The following CYP17A1 variants were observed in gnomAD, a reference collection of about 807,000 sequenced individuals.
CYP17A1 encodes steroid 17-alpha-hydroxylase/17,20 lyase.
CYP17A1 carries 27 observed loss-of-function variants against 38.5 expected under a neutral mutation model. The ratio of observed to expected loss-of-function variants is 0.70; its 90% CI spans 0.52 to 0.97. CYP17A1 has a LOEUF of 0.97. CYP17A1 is among the 50% of genes least tolerant of loss of function. CYP17A1 has a pLI of 0.00. For missense variants in CYP17A1, 549 were observed against 645.9 expected (o/e 0.85, Z 1.63); for synonymous variants, 263 against 253.3 (o/e 1.04, Z -0.36).
chr10:102,831,774 C>T, intron 6 of CYP17A1, 163 bp from the exon 7 acceptor site: 2 of 1,310,764 alleles, frequency 1.5e-6, no homozygotes, highest in Non-Finnish European at 2.1e-6. Context: ...AACCTAAATC[C>T]AGCCCTTCTC....
At chr10:102,831,791 T>G in intron 6 of CYP17A1, 180 bp from the exon 7 acceptor site, 2 of 1,136,370 alleles carry the variant, frequency 1.8e-6, no homozygotes, top group Non-Finnish European at 1.3e-6. Flanking sequence ...TCTCCATCCC[T>G]TCCCTCCTAA....
chr10:102,831,213 A>G lies in CYP17A1; in HGVS notation c.1244-228T>C, dbSNP rs11191413. 0.029 allele frequency among the ~76,000 whole-genome samples: 4,433 copies of G among 152,352 alleles called. 193 individuals carry two copies. Among genetic ancestry groups the G allele is most frequent in the African/African-American group, 0.094 (3,914 of 41,584 alleles). On this transcript the variant is annotated intron_variant, in intron 7 of 7. Coordinates refer to ENST00000369887, the MANE Select transcript of CYP17A1 (RefSeq NM_000102.4). The stretch of plus-strand genomic sequence containing the variant: ...TCAGGAAGGATGGAAAAGAGATGGA[A>G]TTAACCTATGAAAATAGCACCATCC...
intron 1 of CYP17A1, among the ~76,000 whole-genome samples, chr10:102,835,789 T>C (rs573627769): frequency 5.9e-4 from 90 of 152,266 alleles, no homozygotes; most frequent in Admixed American, 3.1e-3. Context: ...GGTGAGCTTG[T>C]AGAGGCTGAG....
Position 102,830,737 on chromosome 10 carries a change from C to T in CYP17A1, c.1492G>A (p.Ala498Thr), listed in dbSNP as rs771259164. The change falls in exon 8 of 8, where the codon GCC becomes ACC. Residue 498 changes from alanine to threonine, a missense_variant. Physicochemically the swap from Ala to Thr is moderately conservative, Grantham distance 58. Coordinates refer to ENST00000369887, the MANE Select transcript of CYP17A1 (RefSeq NM_000102.4). The surrounding 1 kb of genome is among the most constrained non-coding windows in gnomAD (Gnocchi z 4.1). ...CCCTCAGCCTGGGCTTCCCTCCAGGCCTGGCGCACCTTGATCTTCACTTTG... is the reference window on the plus strand; with the variant it reads ...CCCTCAGCCTGGGCTTCCCTCCAGGTCTGGCGCACCTTGATCTTCACTTTG... ...SFKVKIKVRQ[A>T]WREAQAEGST 6.2e-7 allele frequency: 1 copy of T among 1,603,812 alleles called. No homozygotes were observed. The highest frequency in any genetic ancestry group is 1.7e-5 in the Admixed American group (1 of 59,510).
intron 2 of CYP17A1, 76 bp downstream of exon 2, chr10:102,835,178 C>A: frequency 7.2e-7 from 1 of 1,386,970 alleles, no homozygotes; most frequent in Non-Finnish European, 1.0e-6. Flanking sequence ...AACCCTTACC[C>A]CTGCCCAACC....
At chr10:102,836,501 G>C (rs1432286430) in intron 1 of CYP17A1, among the ~76,000 whole-genome samples, 3 of 149,716 alleles carry the variant, frequency 2.0e-5, no homozygotes, top group Non-Finnish European at 4.4e-5. Flanking sequence ...TGGGGGCCCT[G>C]CTGAGTGGGA....
Position 102,830,572 on chromosome 10 carries a change from G to A in CYP17A1, c.*130C>T, listed in dbSNP as rs886046665. On this transcript the variant is annotated 3_prime_UTR_variant, in exon 8 of 8. Coordinates refer to ENST00000369887, the MANE Select transcript of CYP17A1 (RefSeq NM_000102.4). This position sits in a 1 kb window ranked among gnomAD's most constrained non-coding sequence, Gnocchi z 4.1. ...ACTGTTTATGCACATCACTGGCATT[G>A]CCACAAGCTGAAAAAGAAGGCAGAG... The A allele has an allele frequency of 4.3e-5, 28 of 656,522 alleles. No individual in the cohort carries two copies. The highest frequency in any genetic ancestry group is 6.6e-5 in the Non-Finnish European group (24 of 364,218). 40.7% of individuals were successfully genotyped at this position (656,522 alleles called of 1,614,324 possible). A position where few individuals can be genotyped will look rare whatever the true frequency, so the allele number is the denominator to read the frequency against.
In CYP17A1 at chr10:102,836,240, C is replaced by T. The variant is rs1375160752; in HGVS notation, c.297+825G>A. ...TTGGGAGGCTAAGGTGGGAGGATCA[C>T]GAGGTCAGGAGATCGAGACCATCCT... is the stretch of plus-strand genomic sequence containing the variant. On this transcript the variant is annotated intron_variant, in intron 1 of 7. Transcript: ENST00000369887. 9.2e-5 allele frequency among the ~76,000 whole-genome samples: 14 copies of T among 151,970 alleles called. No individual in the cohort carries two copies. In the East Asian group the frequency reaches 1.7e-3, roughly 19 times the overall value.
At chr10:102,831,420 A>G in intron 7 of CYP17A1, 88 bp downstream of exon 7, 1 of 1,573,390 alleles carries the variant, frequency 6.4e-7, no homozygotes, top group Non-Finnish European at 8.6e-7. Context: ...TCTAGCAGCA[A>G]GCTTGGCAGA....
In CYP17A1 at chr10:102,830,674, G is replaced by T; in HGVS notation, c.*28C>A. On this transcript the variant is annotated 3_prime_UTR_variant, in exon 8 of 8. Transcript: ENST00000369887. The surrounding 1 kb of genome is among the most constrained non-coding windows in gnomAD (Gnocchi z 4.1). The stretch of plus-strand genomic sequence containing the variant: ...AAATCTGTGTTGTGGGGCCACATAG[G>T]GTGGACAGGGGCTGTGAGTTACAGC... The T allele has an allele frequency of 7.2e-7, 1 of 1,384,466 alleles. No individual in the cohort carries two copies. Among genetic ancestry groups the T allele is most frequent in the Non-Finnish European group, 1.0e-6 (1 of 978,956 alleles). The allele number at this position is 1,384,466 out of a possible 1,614,324, so 85.8% of individuals were successfully genotyped here. A position where few individuals can be genotyped will look rare whatever the true frequency, so the allele number is the denominator to read the frequency against.
chr10:102,831,736 C>T, intron 6 of CYP17A1, 125 bp from the exon 7 acceptor site: 1 of 1,507,810 alleles, frequency 6.6e-7, no homozygotes, highest in East Asian at 2.4e-5. Flanking sequence ...CCCACTCACT[C>T]ATGTTTTCCT....
intron 1 of CYP17A1, 54 bp from the exon 2 acceptor site, chr10:102,835,446 C>T (rs1001724526): frequency 6.8e-7 from 1 of 1,478,002 alleles, no homozygotes. Flanking sequence ...CCCACTCTTG[C>T]CCTTACACCT....
At chr10:102,831,352 G>A (rs1423722578) in intron 7 of CYP17A1, among the ~76,000 whole-genome samples, 156 bp downstream of exon 7, 2 of 152,168 alleles carry the variant, frequency 1.3e-5, no homozygotes, top group East Asian at 1.9e-4. Context: ...AAGAGTTTGG[G>A]TAAGTCTATG....
chr10:102,834,312 A>C (rs1337509466), intron 3 of CYP17A1, 190 bp from the exon 4 acceptor site: 4 of 617,018 alleles, frequency 6.5e-6, no homozygotes, highest in African/African-American at 1.9e-5. Flanking sequence ...AGACAATTCT[A>C]AACAAGGGAG....
In CYP17A1 at chr10:102,834,133, A is replaced by G. The variant is rs761520804; in HGVS notation, c.667-11T>C. 1.8e-6 allele frequency: 2 copies of G among 1,094,396 alleles called. No homozygotes were observed. The highest frequency in any genetic ancestry group is 2.8e-6 in the Non-Finnish European group (2 of 704,760). 67.8% of individuals were successfully genotyped at this position (1,094,396 alleles called of 1,614,324 possible). A position where few individuals can be genotyped will look rare whatever the true frequency, so the allele number is the denominator to read the frequency against. ...TTTGTTGGGGAAAATCTGGGAAATA[A>G]AAAGAAATGTTAAATCCACCCTTCT... On this transcript the variant is annotated splice_polypyrimidine_tract_variant and intron_variant, in intron 3 of 7. Transcript: ENST00000369887.
At position 102,835,358 on chromosome 10, in the gene CYP17A1, C is replaced by A; in HGVS notation, c.332G>T (p.Gly111Val). The change falls in exon 2 of 8, where the codon GGT becomes GTT. Residue 111 changes from glycine to valine, a missense_variant. Gly to Val is a moderately radical substitution (Grantham distance 109, BLOSUM62 -3). Coordinates refer to ENST00000369887, the MANE Select transcript of CYP17A1 (RefSeq NM_000102.4). ...TGCGCCAGAGTCAGCGAAGGCGATA[C>A]CCTTACGGTTGTTGGACGCGATGTC... ...TLDIASNNRKGIAFADSGAHW... is the reference protein window; with the variant it reads ...TLDIASNNRKVIAFADSGAHW... 1 of 1,612,822 alleles carries A rather than the reference C, an allele frequency of 6.2e-7. No homozygotes were observed. Among genetic ancestry groups the A allele is most frequent in the Non-Finnish European group, 8.5e-7 (1 of 1,178,774 alleles).
intron 6 of CYP17A1, 90 bp from the exon 7 acceptor site, chr10:102,831,701 G>A: frequency 6.3e-7 from 1 of 1,575,656 alleles, no homozygotes; most frequent in Non-Finnish European, 8.6e-7. Context: ...TCCGCCGTGA[G>A]GAAAATGCCC....
intron 1 of CYP17A1, 76 bp downstream of exon 1, chr10:102,836,989 T>C (rs1173853066): frequency 2.3e-6 from 2 of 869,752 alleles, no homozygotes; most frequent in Admixed American, 3.4e-5. Context: ...GGAAGCCCCA[T>C]TCTAGGCATG....
At position 102,831,551 on chromosome 10, in the gene CYP17A1, A is replaced by G. The variant is rs550316685; in HGVS notation, c.1200T>C (p.His400=). The G allele has an allele frequency of 6.2e-6, 10 of 1,613,866 alleles. No homozygotes were observed. Among genetic ancestry groups the G allele is most frequent in the Non-Finnish European group, 8.5e-6 (10 of 1,180,034 alleles). Residue 400 remains histidine (H), a synonymous_variant, in exon 7 of 8, where the codon CAT becomes CAC. Coordinates refer to ENST00000369887, the MANE Select transcript of CYP17A1 (RefSeq NM_000102.4). ...GCTGGTGCCACTCCTTCTCATTGTG[A>G]TGCAGCGCCCACAGATTGATGATAA... ...TEVIINLWAL[H]HNEKEWHQPD...
Sources: allele counts gnomAD v4.1 joint callset (sites outside exome capture counted in the v4.1 genomes callset), GRCh38; gene constraint gnomAD v4.1.1; non-coding constraint Gnocchi (gnomAD v3.1); transcripts MANE v1.5; gene names NCBI Gene and HGNC (gene_info 2026-07-23, HGNC 2026-07-21).